RELA: variants seen among roughly 807,000 people sequenced by gnomAD.
RELA encodes RELA proto-oncogene, NF-kB subunit.
Under a neutral mutation model 56.7 loss-of-function variants are expected in RELA, and 14 were observed. The observed-to-expected ratio is 0.25, with a 90% CI of 0.16 to 0.39. RELA has a LOEUF of 0.39. RELA is among the 10% of genes least tolerant of loss of function. RELA has a pLI of 1.00. For synonymous variants in RELA, 315 were observed against 289.7 expected, an observed-to-expected ratio of 1.09 and a Z score of -0.89; for missense variants, 559 against 736.4, an observed-to-expected ratio of 0.76 and a Z score of 2.79.
intron 9 of RELA, 32 bp from the exon 10 acceptor site, chr11:65,655,794 C>T: frequency 1.2e-6 from 2 of 1,613,480 alleles, no homozygotes; most frequent in Non-Finnish European, 1.7e-6. Flanking sequence ...AGTTCTCAGC[C>T]CCAGGGTGTC....
At position 65,660,520 on chromosome 11, in the gene RELA, C is replaced by G. The variant is rs575033612; in HGVS notation, c.336-305G>C. ...AAGGCCTTTGCACTTGTTTGGTCGG[C>G]TTGGAATGTTCTTTTCCTACTTCTC... On this transcript the variant is annotated intron_variant, in intron 4 of 10. Transcript: ENST00000406246. 1.9e-5 allele frequency: 7 copies of G among 377,896 alleles called. 1 individual carries two copies. The highest frequency in any genetic ancestry group is 3.3e-5 in the Non-Finnish European group (7 of 210,248). 23.4% of individuals were successfully genotyped at this position (377,896 alleles called of 1,614,324 possible). A position where few individuals can be genotyped will look rare whatever the true frequency, so the allele number is the denominator to read the frequency against.
At chr11:65,659,855 G>C in intron 5 of RELA, 58 bp from the exon 6 acceptor site, 2 of 1,557,884 alleles carry the variant, frequency 1.3e-6, no homozygotes, top group East Asian at 2.3e-5. Context: ...GGTGCTATCA[G>C]TGGGGGCAGG....
At chr11:65,663,406 G>A (rs751795610), upstream of RELA, among the ~76,000 whole-genome samples, 13 of 152,190 alleles carry the variant, frequency 8.5e-5, no homozygotes, top group Non-Finnish European at 1.3e-4. Context: ...ACGTTAAAAT[G>A]TCCTACCCAC....
At chr11:65,661,418 C>A (rs984711539) in intron 4 of RELA, 1 of 373,702 alleles carries the variant, frequency 2.7e-6, no homozygotes, top group East Asian at 4.1e-5. Context: ...AAACAAGAGA[C>A]GTGACTCTGA....
rs190963196 is a variant in RELA, at chr11:65,654,272, C to G, written c.*106G>C. 3 of 1,422,246 alleles carry G rather than the reference C, an allele frequency of 2.1e-6. No individual in the cohort carries two copies. 88.1% of individuals were successfully genotyped at this position (1,422,246 alleles called of 1,614,324 possible). On this transcript the variant is annotated 3_prime_UTR_variant, in exon 11 of 11. Coordinates refer to ENST00000406246, the MANE Select transcript of RELA (RefSeq NM_021975.4). The stretch of plus-strand genomic sequence containing the variant: ...CTCCCCCCTCCAAGGAAGACATCCA[C>G]AAAGTTGGGGGCAGTTGGAACACAC...
intron 4 of RELA, 138 bp downstream of exon 4, chr11:65,661,549 G>A (rs1241384765): frequency 4.1e-6 from 3 of 738,248 alleles, no homozygotes; most frequent in Non-Finnish European, 6.6e-6. Flanking sequence ...GACAAAGGCA[G>A]TTTACTTGCA....
chr11:65,657,306 A>T (rs1485216529), intron 8 of RELA, among the ~76,000 whole-genome samples: 1 of 152,194 alleles, frequency 6.6e-6, no homozygotes, highest in Non-Finnish European at 1.5e-5. Flanking sequence ...ACAGTGGTGG[A>T]GATGTGATCT....
chr11:65,654,536 T>C lies in RELA; in HGVS notation c.1498A>G (p.Ile500Val), dbSNP rs1157278470. The change falls in exon 11 of 11, where the codon ATA (isoleucine) becomes GTA (valine). Residue 500 changes from isoleucine to valine, a missense_variant. Ile to Val is a conservative substitution (Grantham distance 29). Around this residue, in one of 4 missense-constraint regions of RELA, gnomAD observed 365 missense variants for 387.5 expected, o/e 0.94. Transcript: ENST00000406246. ...EPMLMEYPEA[I>V]TRLVTGAQRP... ...TGGGCCCCTGTCACTAGGCGAGTTA[T>C]AGCCTCAGGGTACTCCATCAGCATG... 21 of 1,612,034 alleles carry C rather than the reference T, an allele frequency of 1.3e-5. No homozygotes were observed. The highest frequency in any genetic ancestry group is 1.7e-5 in the Non-Finnish European group (20 of 1,179,190).
Position 65,661,853 on chromosome 11 carries a change from G to A in RELA, c.187-18C>T. The A allele has an allele frequency of 1.2e-6, 2 of 1,603,934 alleles. No individual in the cohort carries two copies. Among genetic ancestry groups the A allele is most frequent in the East Asian group, 2.2e-5 (1 of 44,674 alleles). ...CCATTGATCTGTCCAAAGTACAGAG[G>A]CCCAGACATCCAAACCTGACTCCCA... On this transcript the variant is annotated intron_variant, in intron 3 of 10. Transcript: ENST00000406246.
In RELA at chr11:65,661,919, C is replaced by T. The variant is rs747665153; in HGVS notation, c.186+18G>A. 6.2e-7 allele frequency: 1 copy of T among 1,611,240 alleles called. No individual in the cohort carries two copies. The highest frequency in any genetic ancestry group is 1.7e-5 in the Admixed American group (1 of 59,720). Reference sequence around the variant, plus strand: ...GGTTCCACAGTCCCTTCCCCGCACACCCTGGCGCAGTGCTGACCTTGATGG... The same window carrying T: ...GGTTCCACAGTCCCTTCCCCGCACATCCTGGCGCAGTGCTGACCTTGATGG... On this transcript the variant is annotated intron_variant, in intron 3 of 10. Transcript: ENST00000406246.
chr11:65,661,611 G>C, intron 4 of RELA, 76 bp downstream of exon 4: 1 of 1,396,698 alleles, frequency 7.2e-7, no homozygotes, highest in Non-Finnish European at 9.7e-7. Flanking sequence ...CCAGAAAGGA[G>C]TAACACTGTA....
chr11:65,656,175 G>A (rs1165583415), intron 8 of RELA, among the ~76,000 whole-genome samples: 4 of 152,178 alleles, frequency 2.6e-5, no homozygotes, highest in Admixed American at 2.6e-4. Context: ...GAGTACAGGG[G>A]CCATGCTCTG....
chr11:65,659,909 A>G (rs1279144000), intron 5 of RELA, 112 bp from the exon 6 acceptor site: 19 of 1,392,936 alleles, frequency 1.4e-5, no homozygotes, highest in Non-Finnish European at 1.8e-5. Flanking sequence ...GTGAAACACA[A>G]GTCCTAGAGG....
intron 6 of RELA, 126 bp downstream of exon 6, chr11:65,659,540 G>A (rs913670176): frequency 2.4e-6 from 3 of 1,234,694 alleles, no homozygotes; most frequent in African/African-American, 1.5e-5. Flanking sequence ...GGGCAGAGAA[G>A]AGTAGACAAA....
chr11:65,662,627 G>A lies in RELA; in HGVS notation c.7+199C>T, dbSNP rs560844822. 5.2e-5 allele frequency: 20 copies of A among 383,922 alleles called. No individual in the cohort carries two copies. In the South Asian group the frequency reaches 1.4e-3, roughly 27 times the overall value. 23.8% of individuals were successfully genotyped at this position (383,922 alleles called of 1,614,324 possible). A position where few individuals can be genotyped will look rare whatever the true frequency, so the allele number is the denominator to read the frequency against. On this transcript the variant is annotated intron_variant, in intron 1 of 10. Transcript: ENST00000406246. ...CACCCAGGGAGGATGCTGAGTCAAG[G>A]GCCACCCCCTCCACCCAGAGGGGAA...
rs1177434705 is a variant in RELA at position 65,662,225 on chromosome 11, A to C, written c.8-20T>G. 6.4e-7 allele frequency: 1 copy of C among 1,553,728 alleles called. No homozygotes were observed. The highest frequency in any genetic ancestry group is 8.7e-7 in the Non-Finnish European group (1 of 1,155,248). On this transcript the variant is annotated intron_variant, in intron 1 of 10. Coordinates refer to ENST00000406246, the MANE Select transcript of RELA (RefSeq NM_021975.4). The stretch of plus-strand genomic sequence containing the variant: ...ACAGTTCTGAAAGGGGAGGGAGATC[A>C]GGGTCAGCACACACCCAATGCCCAT...
At chr11:65,662,355 G>A (rs1385351367) in intron 1 of RELA, 150 bp from the exon 2 acceptor site, 3 of 884,596 alleles carry the variant, frequency 3.4e-6, no homozygotes, top group South Asian at 4.7e-5. Flanking sequence ...AAACTAAGGG[G>A]TGGAGGAAAG....
chr11:65,658,931 C>A lies in RELA; in HGVS notation c.560-109G>T, dbSNP rs1367654785. On this transcript the variant is annotated intron_variant, in intron 6 of 10. Coordinates refer to ENST00000406246, the MANE Select transcript of RELA (RefSeq NM_021975.4). The surrounding 1 kb of genome is among the most constrained non-coding windows in gnomAD (Gnocchi z 4.5). ...AGCCCAGAGTCAAGGTTGCCCAGAG[C>A]TTGCCACCTACACCTTTGTAGCCAA... is the stretch of plus-strand genomic sequence containing the variant. 7 of 851,646 alleles carry A rather than the reference C, an allele frequency of 8.2e-6. No individual in the cohort carries two copies. The East Asian group carries it at 1.8e-4, about 21-fold the overall frequency. The allele number at this position is 851,646 out of a possible 1,614,324, so 52.8% of individuals were successfully genotyped here. A position where few individuals can be genotyped will look rare whatever the true frequency, so the allele number is the denominator to read the frequency against.
At chr11:65,660,476 G>A (rs990220377) in intron 4 of RELA, 1 of 512,700 alleles carries the variant, frequency 2.0e-6, no homozygotes, top group Non-Finnish European at 3.5e-6. Context: ...TCTAAACACA[G>A]GACACTCATT....
Sources: gnomAD v4.1 joint callset for allele counts (sites outside exome capture counted in the v4.1 genomes callset) on GRCh38, gnomAD v4.1.1 for gene constraint, gnomAD v4.1.1 regional missense constraint, Gnocchi (gnomAD v3.1) non-coding constraint, MANE v1.5 for transcripts, NCBI Gene and HGNC (gene_info 2026-07-23, HGNC 2026-07-21) for gene names.